Variants in REELD1 observed in about 807,000 individuals in gnomAD.
REELD1 encodes reelin domain-containing protein 1.
A neutral mutation model predicts 6.3 loss-of-function variants in REELD1; 12 were observed. The observed-to-expected ratio is 1.89, with a 90% CI of 1.21 to 3.07. The LOEUF is 3.07. Ranked by LOEUF, REELD1 falls within the 30% of genes most tolerant of loss-of-function variation. REELD1 has a pLI of 0.00. For missense variants in REELD1, 163 were observed against 86.8 expected, an observed-to-expected ratio of 1.88 and a Z score of -3.49; for synonymous variants, 57 against 33.6, an observed-to-expected ratio of 1.70 and a Z score of -2.42.
rs891382 is a variant in REELD1, at chr4:146,231,188, G to A, written c.*675G>A. On this transcript the variant is annotated 3_prime_UTR_variant, in exon 8 of 8. Transcript: ENST00000623665. ...AAACATATACATGCAACACAAGGCC[G>A]TAAACACCAGAGTGGGGTAAGAAAG... is the stretch of plus-strand genomic sequence containing the variant. Among the ~76,000 whole-genome samples the A allele has an allele frequency of 0.75, 114,834 of 152,122 alleles. 44,252 individuals are homozygous for A. Among genetic ancestry groups the A allele is most frequent in the African/African-American group, 0.92 (38,087 of 41,536 alleles).
Position 146,230,620 on chromosome 4 carries a change from G to A in REELD1, c.*107G>A, listed in dbSNP as rs1731113434. Reference sequence around the variant, plus strand: ...ACTGATGAAGACAGGGACTCATTGTGCCTCTGTCAATGTGCAGTTAGTGGA... The same window carrying A: ...ACTGATGAAGACAGGGACTCATTGTACCTCTGTCAATGTGCAGTTAGTGGA... On this transcript the variant is annotated 3_prime_UTR_variant, in exon 8 of 8. Coordinates refer to ENST00000623665, the MANE Select transcript of REELD1 (RefSeq NM_001354631.1). 1 of 397,280 alleles carries A rather than the reference G, an allele frequency of 2.5e-6. No individual in the cohort carries two copies. Among genetic ancestry groups the A allele is most frequent in the African/African-American group, 2.1e-5 (1 of 48,618 alleles). 24.6% of individuals were successfully genotyped at this position (397,280 alleles called of 1,614,324 possible).
chr4:146,231,969 G>C lies in REELD1; in HGVS notation c.*1456G>C, dbSNP rs1578704876. The stretch of plus-strand genomic sequence containing the variant: ...TGCATTCACAAATGAAAGTGTTCTA[G>C]GAATACTGTGGAAAGAAACAAAAGT... On this transcript the variant is annotated 3_prime_UTR_variant, in exon 8 of 8. Coordinates refer to ENST00000623665, the MANE Select transcript of REELD1 (RefSeq NM_001354631.1). The C allele has an allele frequency of 6.6e-6, 1 of 152,134 alleles. No individual in the cohort carries two copies. Among genetic ancestry groups the C allele is most frequent in the East Asian group, 1.9e-4 (1 of 5,186 alleles). The allele number at this position is 152,134 out of a possible 1,614,324, so 9.4% of individuals were successfully genotyped here.
intron 3 of REELD1, among the ~76,000 whole-genome samples, chr4:146,221,719 C>T (rs1560724353): frequency 6.6e-6 from 1 of 151,966 alleles, no homozygotes; most frequent in South Asian, 2.1e-4. Context: ...ATTAGCTGGG[C>T]GTGGTGGTGC....
chr4:146,215,365 T>G (rs906292149), intron 2 of REELD1, among the ~76,000 whole-genome samples, 167 bp downstream of exon 2: 4 of 152,174 alleles, frequency 2.6e-5, no homozygotes, highest in African/African-American at 9.7e-5. Flanking sequence ...CCTTGTAGTA[T>G]GGAGATGTGT....
At position 146,228,404 on chromosome 4, in the gene REELD1, A is replaced by C. The variant is rs770139074; in HGVS notation, c.790A>C (p.Ser264Arg). The C allele has an allele frequency of 1.4e-6, 1 of 702,480 alleles. No homozygotes were observed. Among genetic ancestry groups the C allele is most frequent in the Non-Finnish European group, 2.6e-6 (1 of 385,012 alleles). The allele number at this position is 702,480 out of a possible 1,614,324, so 43.5% of individuals were successfully genotyped here. A position where few individuals can be genotyped will look rare whatever the true frequency, so the allele number is the denominator to read the frequency against. ...TGAAGGCAGCATCAACCAGCAACCC[A>C]GCGGGGACAGCAATCCCACCCTAGA... The part of the protein sequence containing the change: ...ATEGSINQQP[S>R]GDSNPTLEPS... The change falls in exon 6 of 8, where the codon AGC (serine) becomes CGC (arginine). Residue 264 changes from serine (S) to arginine (R), a missense_variant. Physicochemically the swap from Ser to Arg is moderately radical, Grantham distance 110. Coordinates refer to ENST00000623665, the MANE Select transcript of REELD1 (RefSeq NM_001354631.1).
chr4:146,231,747 G>A lies in REELD1; in HGVS notation c.*1234G>A, dbSNP rs961094486. ...AATAAGTTCAGTAGCTTTCCAAGGAGAATGAGGCTTTCCTTATACCTCAAT... is the reference window on the plus strand; with the variant it reads ...AATAAGTTCAGTAGCTTTCCAAGGAAAATGAGGCTTTCCTTATACCTCAAT... On this transcript the variant is annotated 3_prime_UTR_variant, in exon 8 of 8. Transcript: ENST00000623665. 1.3e-5 allele frequency: 2 copies of A among 152,174 alleles called. No homozygotes were observed. The highest frequency in any genetic ancestry group is 2.9e-5 in the Non-Finnish European group (2 of 68,030). 9.4% of individuals were successfully genotyped at this position (152,174 alleles called of 1,614,324 possible). A position where few individuals can be genotyped will look rare whatever the true frequency, so the allele number is the denominator to read the frequency against.
At chr4:146,227,134 A>G (rs894454420) in intron 5 of REELD1, among the ~76,000 whole-genome samples, 4 of 152,224 alleles carry the variant, frequency 2.6e-5, no homozygotes, top group Admixed American at 6.5e-5. Flanking sequence ...AGGGACACCA[A>G]TTACAAGTCT....
intron 3 of REELD1, among the ~76,000 whole-genome samples, chr4:146,217,747 T>G (rs1730851850): frequency 6.6e-6 from 1 of 152,208 alleles, no homozygotes; most frequent in Non-Finnish European, 1.5e-5. Context: ...TGAACAACCT[T>G]CATGTATCAT....
rs553662741 is a variant in REELD1, at chr4:146,227,147, A to G, written c.596-1063A>G. On this transcript the variant is annotated intron_variant, in intron 5 of 7. Transcript: ENST00000623665. The stretch of plus-strand genomic sequence containing the variant: ...TCAGGGACACCAATTACAAGTCTGC[A>G]TTATGTTTGCATCTCCAACAACTAT... Among the ~76,000 whole-genome samples, 6 of 152,168 alleles carry G rather than the reference A, an allele frequency of 3.9e-5. No individual in the cohort carries two copies. In the South Asian group the frequency reaches 1.0e-3, roughly 26 times the overall value.
chr4:146,215,851 A>T (rs1730816743), intron 2 of REELD1, among the ~76,000 whole-genome samples: 1 of 151,874 alleles, frequency 6.6e-6, no homozygotes, highest in South Asian at 2.1e-4. Context: ...CCCAGGTTCA[A>T]GCAATTCTCC....
rs569509059 is a variant in REELD1, at chr4:146,229,962, C to T, written c.1030C>T (p.Leu344Phe). 134 of 398,778 alleles carry T rather than the reference C, an allele frequency of 3.4e-4. No individual in the cohort carries two copies. The South Asian group carries it at 4.7e-3, about 14-fold the overall frequency. The allele number at this position is 398,778 out of a possible 1,614,324, so 24.7% of individuals were successfully genotyped here. The stretch of plus-strand genomic sequence containing the variant: ...ACAGCCTCCTCTGTCCACCGTCCAG[C>T]TTACCTATCCCCAGTGCCTCTGGTC... Reference protein sequence around the residue: ...VTQPPLSTVQLTYPQCLWSSE... With the variant: ...VTQPPLSTVQFTYPQCLWSSE... Residue 344 changes from leucine to phenylalanine, a missense_variant, in exon 8 of 8, where the codon CTT becomes TTT. By Grantham distance (22) the Leu-to-Phe change is conservative (BLOSUM62 0). Transcript: ENST00000623665.
At chr4:146,223,752 T>C (rs1308976760) in intron 4 of REELD1, among the ~76,000 whole-genome samples, 1 of 152,248 alleles carries the variant, frequency 6.6e-6, no homozygotes, top group Non-Finnish European at 1.5e-5. Flanking sequence ...CCGCCGAGTC[T>C]GGAAACCGCA....
intron 5 of REELD1, among the ~76,000 whole-genome samples, chr4:146,225,611 C>A (rs1731007391): frequency 6.6e-6 from 1 of 151,922 alleles, no homozygotes; most frequent in African/African-American, 2.4e-5. Flanking sequence ...AGACCATGGC[C>A]TGGAGAAGAC....
chr4:146,224,133 G>C (rs1301499129), intron 4 of REELD1, among the ~76,000 whole-genome samples: 1 of 152,142 alleles, frequency 6.6e-6, no homozygotes, highest in Non-Finnish European at 1.5e-5. Context: ...CCTTTTATTG[G>C]AGTCTAAACA....
intron 3 of REELD1, among the ~76,000 whole-genome samples, chr4:146,220,360 G>A (rs1277883877): frequency 1.3e-5 from 2 of 152,132 alleles, no homozygotes; most frequent in East Asian, 1.9e-4. Flanking sequence ...TTCATAAATG[G>A]TTTTGATGGA....
Position 146,228,541 on chromosome 4 carries a change from C to T in REELD1, c.908+19C>T, listed in dbSNP as rs1731069157. The T allele has an allele frequency of 4.4e-6, 3 of 678,482 alleles. No individual in the cohort carries two copies. Among genetic ancestry groups the T allele is most frequent in the Non-Finnish European group, 5.4e-6 (2 of 368,984 alleles). 42.0% of individuals were successfully genotyped at this position (678,482 alleles called of 1,614,324 possible). On this transcript the variant is annotated intron_variant, in intron 6 of 7. Transcript: ENST00000623665. ...ATCACAGGTAAGGGTGATGGGTGGGCCATTCAGGACAGGTGATGGGACTAG... is the reference window on the plus strand; with the variant it reads ...ATCACAGGTAAGGGTGATGGGTGGGTCATTCAGGACAGGTGATGGGACTAG...
chr4:146,214,728 G>A (rs1730795120), intron 1 of REELD1, 34 bp downstream of exon 1: 1 of 152,108 alleles, frequency 6.6e-6, no homozygotes, highest in South Asian at 2.1e-4. Flanking sequence ...TATTTTTGTA[G>A]AGACAAGGTC....
chr4:146,224,404 A>C (rs1489568158), intron 4 of REELD1, 41 bp from the exon 5 acceptor site: 2 of 534,576 alleles, frequency 3.7e-6, no homozygotes, highest in African/African-American at 1.9e-5. Flanking sequence ...ATTTAAAGGA[A>C]ACTAAATCCG....
At chr4:146,222,086 C>A (rs1350694253) in intron 3 of REELD1, among the ~76,000 whole-genome samples, 1 of 152,010 alleles carries the variant, frequency 6.6e-6, no homozygotes, top group Non-Finnish European at 1.5e-5. Context: ...TCCTTTATGG[C>A]AGCTGGGTTT....
Sources: allele counts gnomAD v4.1 joint callset (sites outside exome capture counted in the v4.1 genomes callset), GRCh38; gene constraint gnomAD v4.1.1; transcripts MANE v1.5; gene names NCBI Gene and HGNC (gene_info 2026-07-23, HGNC 2026-07-21).